The following CAMK1D variants were observed in gnomAD, a reference collection of about 807,000 sequenced individuals.
CAMK1D encodes the protein calcium/calmodulin-dependent protein kinase type 1D.
A neutral mutation model predicts 47.7 loss-of-function variants in CAMK1D; 9 were observed. The observed-to-expected ratio is 0.19, with a 90% CI of 0.11 to 0.33. The LOEUF (loss-of-function observed/expected upper bound fraction) is 0.33, where lower values mean the gene tolerates loss of function less well. Among genes scored for constraint, CAMK1D ranks in the 10% least tolerant of loss-of-function variants. CAMK1D has a pLI of 1.00. For synonymous variants in CAMK1D, 184 were observed against 184.9 expected (o/e 0.99, Z 0.04); for missense variants, 291 against 488.7 (o/e 0.60, Z 3.81).
intron 2 of CAMK1D, among the ~76,000 whole-genome samples, chr10:12,636,403 C>T (rs1839512362): frequency 6.6e-6 from 1 of 152,222 alleles, no homozygotes; most frequent in Non-Finnish European, 1.5e-5. Flanking sequence ...TCATAGCTCA[C>T]CGCAGCCTTG....
intron 2 of CAMK1D, among the ~76,000 whole-genome samples, chr10:12,583,462 A>G (rs1017857141): frequency 1.3e-5 from 2 of 152,224 alleles, no homozygotes; most frequent in East Asian, 3.8e-4. Flanking sequence ...AAATTTGATC[A>G]GACGTTGTCT....
chr10:12,407,721 A>G (rs1839489620), intron 1 of CAMK1D, among the ~76,000 whole-genome samples: 1 of 152,230 alleles, frequency 6.6e-6, no homozygotes, highest in Non-Finnish European at 1.5e-5. Context: ...GTTGACCAGC[A>G]TCATCCAAAT....
intron 2 of CAMK1D, among the ~76,000 whole-genome samples, chr10:12,642,409 C>A (rs896352864): frequency 1.6e-4 from 24 of 152,162 alleles, no homozygotes; most frequent in Non-Finnish European, 1.0e-4. Context: ...TGCAGTTACA[C>A]GATGGATGAT....
chr10:12,531,667 C>T (rs1223655638), intron 1 of CAMK1D, among the ~76,000 whole-genome samples: 3 of 152,326 alleles, frequency 2.0e-5, no homozygotes, highest in South Asian at 2.1e-4. Context: ...GCCTAACTTG[C>T]GTGCTCCAAT....
rs1195718077 is a variant in CAMK1D, at chr10:12,401,103, AT to A, written c.92+51194del. Among the ~76,000 whole-genome samples the A allele has an allele frequency of 5.0e-5, 4 of 80,124 alleles. 1 individual carries two copies. Among genetic ancestry groups the A allele is most frequent in the Non-Finnish European group, 9.0e-5 (4 of 44,644 alleles). 52.6% of individuals were successfully genotyped at this position (80,124 alleles called of 152,430 possible). Reference sequence around the variant, plus strand: ...TATATGTATTATATATATTATATATATATTTTATATATATAATATATGTATT... The same window carrying A: ...TATATGTATTATATATATTATATATAATTTTATATATATAATATATGTATT... On this transcript the variant is annotated intron_variant, in intron 1 of 10. Transcript: ENST00000619168.
At chr10:12,430,013 T>A (rs1840387475) in intron 1 of CAMK1D, among the ~76,000 whole-genome samples, 1 of 152,058 alleles carries the variant, frequency 6.6e-6, no homozygotes, top group African/African-American at 2.4e-5. Context: ...CATTCTCTCC[T>A]GCTTGCTTGC....
At chr10:12,381,710 A>G (rs1002687806) in intron 1 of CAMK1D, among the ~76,000 whole-genome samples, 1 of 152,194 alleles carries the variant, frequency 6.6e-6, no homozygotes, top group Admixed American at 6.6e-5. Context: ...GTGGCGTGGC[A>G]TACAGAAGCA....
intron 3 of CAMK1D, among the ~76,000 whole-genome samples, chr10:12,698,152 CAT>C (rs1833369859): frequency 1.3e-5 from 2 of 152,166 alleles, no homozygotes; most frequent in Non-Finnish European, 2.9e-5. Flanking sequence ...ACTGCAGAAA[CAT>C]AATACTTGCC....
At chr10:12,561,898 C>T (rs777492006) in intron 2 of CAMK1D, among the ~76,000 whole-genome samples, 1 of 152,194 alleles carries the variant, frequency 6.6e-6, no homozygotes, top group Non-Finnish European at 1.5e-5. Context: ...TACTACAAAA[C>T]AAGGAATTGA....
intron 1 of CAMK1D, among the ~76,000 whole-genome samples, chr10:12,401,170 T>TAAAGCTCAAATCAG: frequency 1.8e-5 from 1 of 54,452 alleles, no homozygotes; most frequent in African/African-American, 8.2e-5. Context: ...ATAATATATG[T>TAAAGCTCAAATCAG]ATTATATATA....
intron 2 of CAMK1D, among the ~76,000 whole-genome samples, chr10:12,563,344 A>G (rs1837003771): frequency 1.5e-5 from 2 of 136,744 alleles, no homozygotes; most frequent in African/African-American, 5.7e-5. Context: ...ACAGAGTGAG[A>G]CTCTGTCTCT....
rs766172512 is a variant in CAMK1D, at chr10:12,829,032, A to G, written c.*145A>G. ...GGAAGACCGAAGTTTTTTTATGGCC[A>G]TATTTTCTACTGCAATTCTGAAGTG... On this transcript the variant is annotated 3_prime_UTR_variant, in exon 11 of 11. Transcript: ENST00000619168. 3.4e-6 allele frequency: 2 copies of G among 593,696 alleles called. No individual in the cohort carries two copies. Among genetic ancestry groups the G allele is most frequent in the African/African-American group, 1.9e-5 (1 of 53,080 alleles). 36.8% of individuals were successfully genotyped at this position (593,696 alleles called of 1,614,324 possible).
chr10:12,569,757 C>A (rs1053213679), intron 2 of CAMK1D, among the ~76,000 whole-genome samples: 1 of 144,258 alleles, frequency 6.9e-6, no homozygotes, highest in South Asian at 2.2e-4. Context: ...GTGTGGTGAA[C>A]GTATTACAAA....
At chr10:12,616,541 G>A (rs1318039057) in intron 2 of CAMK1D, among the ~76,000 whole-genome samples, 1 of 152,066 alleles carries the variant, frequency 6.6e-6, no homozygotes, top group Non-Finnish European at 1.5e-5. Context: ...TTTTTGAGAC[G>A]GAGTCTCGCT....
intron 1 of CAMK1D, among the ~76,000 whole-genome samples, chr10:12,354,511 C>T (rs1431907139): frequency 2.0e-5 from 3 of 151,510 alleles, no homozygotes; most frequent in Non-Finnish European, 2.9e-5. Flanking sequence ...CCGCAACCTC[C>T]GCCTCCCAGG....
At chr10:12,358,812 T>C (rs1275533380) in intron 1 of CAMK1D, among the ~76,000 whole-genome samples, 1 of 152,176 alleles carries the variant, frequency 6.6e-6, no homozygotes, top group Non-Finnish European at 1.5e-5. Context: ...TGGGATTGAA[T>C]ATACAGTAAC....
chr10:12,773,849 A>C lies in CAMK1D; in HGVS notation c.565+4050A>C, dbSNP rs527448575. Among the ~76,000 whole-genome samples, 15 of 152,322 alleles carry C rather than the reference A, an allele frequency of 9.8e-5. No homozygotes were observed. The South Asian group carries it at 3.1e-3, about 32-fold the overall frequency. ...GGGAGACAGAGGTTGCAGTGAGCTG[A>C]GATTGCGCCACTGCACTCCAGCCTG... On this transcript the variant is annotated intron_variant, in intron 5 of 10. Coordinates refer to ENST00000619168, the MANE Select transcript of CAMK1D (RefSeq NM_153498.4).
intron 1 of CAMK1D, among the ~76,000 whole-genome samples, chr10:12,397,427 G>A (rs1394757841): frequency 1.3e-5 from 2 of 152,084 alleles, no homozygotes; most frequent in East Asian, 3.8e-4. Context: ...TCCCCCACAC[G>A]GCTTTGCAGA....
intron 1 of CAMK1D, among the ~76,000 whole-genome samples, chr10:12,447,105 C>T (rs1832946257): frequency 6.6e-6 from 1 of 152,236 alleles, no homozygotes; most frequent in Middle Eastern, 3.4e-3. Flanking sequence ...CTCTCTCTCT[C>T]TGTCTTTTTT....
Sources: gnomAD v4.1 joint callset for allele counts (sites outside exome capture counted in the v4.1 genomes callset) on GRCh38, gnomAD v4.1.1 for gene constraint, MANE v1.5 for transcripts, NCBI Gene and HGNC (gene_info 2026-07-23, HGNC 2026-07-21) for gene names.